Variants in SLC2A9 observed in about 807,000 individuals in gnomAD.
SLC2A9 encodes solute carrier family 2, facilitated glucose transporter member 9.
Under a neutral mutation model 50.6 loss-of-function variants are expected in SLC2A9, and 39 were observed. That is an observed-to-expected ratio of 0.77 (90% CI 0.60 to 1.01). The LOEUF (loss-of-function observed/expected upper bound fraction) is 1.01. Ranked by LOEUF, SLC2A9 falls within the 50% of genes least tolerant of loss-of-function variation. SLC2A9 has a pLI of 0.00. For synonymous variants in SLC2A9, 324 were observed against 276.9 expected, an observed-to-expected ratio of 1.17 and a Z score of -1.69; for missense variants, 686 against 677.6, an observed-to-expected ratio of 1.01 and a Z score of -0.14.
chr4:9,898,236 T>C (rs1011516167), intron 8 of SLC2A9, among the ~76,000 whole-genome samples: 3 of 152,216 alleles, frequency 2.0e-5, no homozygotes, highest in African/African-American at 7.2e-5. Context: ...TGTTGCCTGC[T>C]AAATGATTGA....
At chr4:9,937,649 A>C (rs936561495) in intron 6 of SLC2A9, among the ~76,000 whole-genome samples, 1 of 152,004 alleles carries the variant, frequency 6.6e-6, no homozygotes, top group Non-Finnish European at 1.5e-5. Context: ...ATCATTGACA[A>C]GGGCAAGCAT....
intron 10 of SLC2A9, among the ~76,000 whole-genome samples, chr4:9,845,809 T>C (rs966893955): frequency 6.6e-6 from 1 of 152,222 alleles, no homozygotes; most frequent in Non-Finnish European, 1.5e-5. Context: ...ATATGTCACT[T>C]AATCCTTTAA....
chr4:9,954,293 C>T (rs1578062818), intron 5 of SLC2A9, among the ~76,000 whole-genome samples: 1 of 152,392 alleles, frequency 6.6e-6, no homozygotes, highest in East Asian at 1.9e-4. Context: ...CCATTTCACA[C>T]AGCCCAAAGG....
At chr4:9,999,076 C>CTTTT (rs34545348) in intron 2 of SLC2A9, among the ~76,000 whole-genome samples, 1 of 143,264 alleles carries the variant, frequency 7.0e-6, no homozygotes, top group Non-Finnish European at 1.5e-5. Context: ...GTAGGTCCTT[C>CTTTT]TTTTTTTTTT....
intron 5 of SLC2A9, among the ~76,000 whole-genome samples, chr4:9,944,821 AT>A (rs961943021): frequency 6.6e-6 from 1 of 152,174 alleles, no homozygotes; most frequent in Non-Finnish European, 1.5e-5. Flanking sequence ...GTTAGGAGAG[AT>A]TATTCCCCTC....
At chr4:9,975,864 G>C (rs1754706862) in intron 5 of SLC2A9, among the ~76,000 whole-genome samples, 1 of 152,176 alleles carries the variant, frequency 6.6e-6, no homozygotes, top group Non-Finnish European at 1.5e-5. Flanking sequence ...CATCAATGGT[G>C]GACTGGATAA....
At chr4:9,837,461 A>C (rs1272016293) in intron 10 of SLC2A9, among the ~76,000 whole-genome samples, 2 of 152,200 alleles carry the variant, frequency 1.3e-5, no homozygotes, top group African/African-American at 4.8e-5. Flanking sequence ...ATGATGTTTC[A>C]CTTTCTGTGT....
chr4:9,775,718 C>T (rs980273967), downstream of SLC2A9, among the ~76,000 whole-genome samples: 1 of 152,174 alleles, frequency 6.6e-6, no homozygotes, highest in Non-Finnish European at 1.5e-5. Context: ...CCTGAGGCCT[C>T]CTTAGAAGCC....
intron 10 of SLC2A9, among the ~76,000 whole-genome samples, chr4:9,884,067 T>C (rs887395818): frequency 3.9e-5 from 6 of 152,364 alleles, no homozygotes; most frequent in African/African-American, 1.2e-4. Flanking sequence ...TGGGTGCATG[T>C]GCTCATCTAC....
rs1355086167 is a variant in SLC2A9 at position 9,941,956 on chromosome 4, G to C, written c.771C>G (p.Arg257=). 1 of 1,614,220 alleles carries C rather than the reference G, an allele frequency of 6.2e-7. No homozygotes were observed. Among genetic ancestry groups the C allele is most frequent in the Non-Finnish European group, 8.5e-7 (1 of 1,180,032 alleles). ...LSLPFLPDSP[R]YLLLEKHNEA... ...CGTTGTGCTTCTCCAAGAGCAGGTAGCGTGGGCTGTCCGGGAGAAAGGGAA... is the reference window on the plus strand; with the variant it reads ...CGTTGTGCTTCTCCAAGAGCAGGTACCGTGGGCTGTCCGGGAGAAAGGGAA... The change falls in exon 6 of 12, where the codon CGC becomes CGG. Residue 257 remains arginine (R), a synonymous_variant. Transcript: ENST00000264784.
intron 5 of SLC2A9, among the ~76,000 whole-genome samples, 176 bp from the exon 6 acceptor site, chr4:9,942,221 A>G (rs1277302329): frequency 1.3e-5 from 2 of 152,244 alleles, no homozygotes; most frequent in Non-Finnish European, 2.9e-5. Flanking sequence ...CCACGTATAT[A>G]GCATTTTCCA....
intron 1 of SLC2A9, among the ~76,000 whole-genome samples, chr4:9,774,586 G>T (rs1339667220): frequency 1.3e-5 from 2 of 152,114 alleles, no homozygotes; most frequent in East Asian, 3.9e-4. Flanking sequence ...TTTGTCAGTT[G>T]TAACAACTGA....
chr4:9,776,183 CTT>C (rs1491145826), downstream of SLC2A9, among the ~76,000 whole-genome samples: 24 of 134,678 alleles, frequency 1.8e-4, no homozygotes, highest in Non-Finnish European at 2.4e-4. Context: ...AGAAGTCTTT[CTT>C]TCTTTTTTTT....
intron 8 of SLC2A9, among the ~76,000 whole-genome samples, chr4:9,895,136 A>G (rs4697909): frequency 0.88 from 134,115 of 152,246 alleles, 60,140 homozygotes; most frequent in Non-Finnish European, 0.96. Flanking sequence ...ACGTTCAAAT[A>G]CTTTGGAAAG....
chr4:9,963,882 G>A (rs1485243682), intron 5 of SLC2A9, among the ~76,000 whole-genome samples: 1 of 152,210 alleles, frequency 6.6e-6, no homozygotes, highest in African/African-American at 2.4e-5. Flanking sequence ...TTCAGATCTT[G>A]AGGTCTGGAA....
chr4:10,023,920 A>G (rs3756231), upstream of SLC2A9, among the ~76,000 whole-genome samples: 11,741 of 152,290 alleles, frequency 0.077, 820 homozygotes, highest in East Asian at 0.39. Flanking sequence ...AGCGACTCCT[A>G]TCACAGATGA....
At chr4:10,028,843 C>G (rs1331371040) in intron 1 of SLC2A9, among the ~76,000 whole-genome samples, 1 of 152,204 alleles carries the variant, frequency 6.6e-6, no homozygotes, top group Non-Finnish European at 1.5e-5. Context: ...CACAGAACTT[C>G]CCCCACAGCA....
chr4:9,914,229 CGA>C (rs1674102630), intron 7 of SLC2A9, among the ~76,000 whole-genome samples: 1 of 152,100 alleles, frequency 6.6e-6, no homozygotes, highest in Admixed American at 6.5e-5. Context: ...TGGAATTACC[CGA>C]GAGGTGAGAG....
intron 10 of SLC2A9, among the ~76,000 whole-genome samples, chr4:9,877,868 C>T (rs1231616412): frequency 6.6e-6 from 1 of 152,200 alleles, no homozygotes; most frequent in East Asian, 1.9e-4. Context: ...TCACCAGGCT[C>T]CTGTTGGGGC....
Sources: gnomAD v4.1 joint callset for allele counts (sites outside exome capture counted in the v4.1 genomes callset) on GRCh38, gnomAD v4.1.1 for gene constraint, MANE v1.5 for transcripts, NCBI Gene and HGNC (gene_info 2026-07-23, HGNC 2026-07-21) for gene names.